Variants in ARID1B observed in about 807,000 individuals in gnomAD.
ARID1B encodes the protein AT-rich interactive domain-containing protein 1B.
A neutral mutation model predicts 212.3 loss-of-function variants in ARID1B; 30 were observed. That is an observed-to-expected ratio of 0.14 (90% CI 0.11 to 0.19). The LOEUF is 0.19. ARID1B is among the 10% of genes least tolerant of loss of function. The pLI, the probability that ARID1B is intolerant of heterozygous loss-of-function variation, is 1.00. For missense variants in ARID1B, 2,891 were observed against 3,204.0 expected (o/e 0.90, Z 2.36); for synonymous variants, 1,402 against 1,301.7 (o/e 1.08, Z -1.66).
At chr6:156,978,635 G>A (rs1434641704) in intron 4 of ARID1B, among the ~76,000 whole-genome samples, 5 of 152,164 alleles carry the variant, frequency 3.3e-5, no homozygotes, top group East Asian at 1.9e-4. Context: ...GTTTTGTGTC[G>A]TTATACAGAA....
intron 4 of ARID1B, among the ~76,000 whole-genome samples, chr6:156,951,781 T>C (rs1793608575): frequency 6.6e-6 from 1 of 152,192 alleles, no homozygotes; most frequent in Non-Finnish European, 1.5e-5. Flanking sequence ...TATTTTTCTT[T>C]TATTATATTG....
chr6:157,187,358 G>A (rs994531370), intron 13 of ARID1B, among the ~76,000 whole-genome samples: 2 of 152,168 alleles, frequency 1.3e-5, no homozygotes, highest in Non-Finnish European at 2.9e-5. Flanking sequence ...GCTGACAGGT[G>A]ATGTCACAAA....
chr6:157,035,711 C>T (rs1351441609), intron 4 of ARID1B, among the ~76,000 whole-genome samples: 1 of 152,212 alleles, frequency 6.6e-6, no homozygotes, highest in African/African-American at 2.4e-5. Flanking sequence ...TCATCTCCAT[C>T]CCTAATGGTA....
At chr6:157,012,369 G>A (rs781093990) in intron 4 of ARID1B, among the ~76,000 whole-genome samples, 24 of 152,244 alleles carry the variant, frequency 1.6e-4, no homozygotes, top group Non-Finnish European at 3.2e-4. Context: ...GAGAACATGG[G>A]AGTGGGCCGA....
intron 4 of ARID1B, among the ~76,000 whole-genome samples, chr6:156,965,884 A>AT (rs1203592628): frequency 1.3e-5 from 2 of 152,168 alleles, no homozygotes; most frequent in African/African-American, 4.8e-5. Context: ...GACTTCTGAA[A>AT]TTTTGTCTTT....
intron 2 of ARID1B, among the ~76,000 whole-genome samples, chr6:156,863,685 A>G (rs1785491336): frequency 6.6e-6 from 1 of 152,188 alleles, no homozygotes; most frequent in East Asian, 1.9e-4. Context: ...ACTTTCCAAA[A>G]GTATGAAATA....
intron 6 of ARID1B, among the ~76,000 whole-genome samples, chr6:157,127,101 T>A (rs976368275): frequency 6.6e-6 from 1 of 152,236 alleles, no homozygotes; most frequent in Non-Finnish European, 1.5e-5. Context: ...AAGAACTACC[T>A]TCGAAATAAA....
chr6:157,188,316 G>T (rs1040480926), intron 13 of ARID1B, among the ~76,000 whole-genome samples: 1 of 152,178 alleles, frequency 6.6e-6, no homozygotes, highest in Non-Finnish European at 1.5e-5. Flanking sequence ...ATGTTACGCA[G>T]TGTTCAGCTC....
intron 1 of ARID1B, among the ~76,000 whole-genome samples, chr6:156,828,761 C>G (rs1039065280): frequency 6.6e-6 from 1 of 152,218 alleles, no homozygotes; most frequent in African/African-American, 2.4e-5. Context: ...CACTCGGTTG[C>G]ACTAAGGTTT....
intron 1 of ARID1B, among the ~76,000 whole-genome samples, chr6:156,803,039 C>G (rs1289456557): frequency 6.6e-6 from 1 of 151,892 alleles, no homozygotes. Context: ...TGAGTATAAA[C>G]ATTTTTTTTC....
At chr6:156,810,040 T>C (rs535064502) in intron 1 of ARID1B, among the ~76,000 whole-genome samples, 2 of 152,340 alleles carry the variant, frequency 1.3e-5, no homozygotes, top group East Asian at 3.9e-4. Flanking sequence ...GCAGGCCCCA[T>C]GTGTGACCTC....
intron 4 of ARID1B, among the ~76,000 whole-genome samples, chr6:157,064,828 C>T (rs914141564): frequency 2.0e-5 from 3 of 152,190 alleles, no homozygotes; most frequent in South Asian, 2.1e-4. Flanking sequence ...CCTTCAGCCC[C>T]GGCTCTCACT....
intron 3 of ARID1B, among the ~76,000 whole-genome samples, chr6:156,934,576 G>A (rs1006683137): frequency 6.6e-6 from 1 of 151,994 alleles, no homozygotes; most frequent in Non-Finnish European, 1.5e-5. Context: ...TTCTATATAT[G>A]CGTGTTTATT....
At chr6:156,935,175 C>T (rs901079042) in intron 3 of ARID1B, among the ~76,000 whole-genome samples, 3 of 151,730 alleles carry the variant, frequency 2.0e-5, no homozygotes, top group African/African-American at 7.3e-5. Context: ...TTCACTGCAG[C>T]CTCCACCTCC....
chr6:157,100,628 A>C (rs1472282004), intron 5 of ARID1B, among the ~76,000 whole-genome samples: 1 of 152,208 alleles, frequency 6.6e-6, no homozygotes, highest in Non-Finnish European at 1.5e-5. Flanking sequence ...GATTATCAAA[A>C]ATGTATTTTT....
intron 2 of ARID1B, among the ~76,000 whole-genome samples, chr6:156,833,824 C>A (rs939013947): frequency 2.6e-5 from 4 of 152,136 alleles, no homozygotes; most frequent in Non-Finnish European, 5.9e-5. Context: ...AATTTTGCTG[C>A]ATGTTTTTTG....
chr6:157,084,579 C>T (rs1253471345), intron 4 of ARID1B, 83 bp from the exon 5 acceptor site: 8 of 1,510,508 alleles, frequency 5.3e-6, no homozygotes, highest in African/African-American at 1.4e-5. Flanking sequence ...CTGAAGGGGA[C>T]GTCATTATGA....
At chr6:157,174,204 CT>C (rs1455990869) in intron 10 of ARID1B, 87 bp downstream of exon 10, 21 of 1,197,262 alleles carry the variant, frequency 1.8e-5, no homozygotes, top group Admixed American at 3.7e-5. Context: ...TTGGCCGACA[CT>C]TTTTTTTCAT....
At chr6:157,139,311 G>C (rs1258465383) in intron 7 of ARID1B, among the ~76,000 whole-genome samples, 1 of 152,152 alleles carries the variant, frequency 6.6e-6, no homozygotes, top group Admixed American at 6.5e-5. Context: ...GCAGGGTGTG[G>C]ACATGCAGCT....
Sources: gnomAD v4.1 joint callset for allele counts (sites outside exome capture counted in the v4.1 genomes callset) on GRCh38, gnomAD v4.1.1 for gene constraint, MANE v1.5 for transcripts, NCBI Gene and HGNC (gene_info 2026-07-23, HGNC 2026-07-21) for gene names.